The following KPNA7 variants were observed in gnomAD, a reference collection of about 807,000 sequenced individuals.
KPNA7 encodes importin subunit alpha-8.
In KPNA7, 54 loss-of-function variants were observed where a neutral mutation model predicts 53.7. The ratio of observed to expected loss-of-function variants is 1.01; its 90% CI spans 0.81 to 1.26. The LOEUF is 1.26. KPNA7 is among the 50% of genes most tolerant of loss of function. The pLI, the probability that KPNA7 is intolerant of heterozygous loss-of-function variation, is 0.00. For missense variants in KPNA7, 640 were observed against 644.5 expected, an observed-to-expected ratio of 0.99 and a Z score of 0.07; for synonymous variants, 276 against 259.3, an observed-to-expected ratio of 1.06 and a Z score of -0.62.
At chr7:99,153,026 T>C in the KPNA7 span, among the ~76,000 whole-genome samples, 1 of 152,206 alleles carries the variant, frequency 6.6e-6, no homozygotes, top group African/African-American at 2.4e-5. Context: ...GAATGGAATA[T>C]TTTTATAATA....
At chr7:99,217,548 G>A (rs746119869) in intron 1 of KPNA7, among the ~76,000 whole-genome samples, 20 of 151,496 alleles carry the variant, frequency 1.3e-4, no homozygotes, top group Non-Finnish European at 2.6e-4. Context: ...GAGAGGGAAG[G>A]TAAAGTGTCC....
chr7:99,192,889 G>A lies in KPNA7; in HGVS notation c.636+130C>T. 1.4e-5 allele frequency: 8 copies of A among 584,240 alleles called. No individual in the cohort carries two copies. In the South Asian group the frequency reaches 1.9e-4, roughly 14 times the overall value. 36.2% of individuals were successfully genotyped at this position (584,240 alleles called of 1,614,324 possible). ...CACGTCCATAATCCCAGAACTTTGA[G>A]AGGTAGGAGGATTGCTTGAAGCCAG... On this transcript the variant is annotated intron_variant, in intron 6 of 10. Coordinates refer to ENST00000327442, the MANE Select transcript of KPNA7 (RefSeq NM_001145715.3).
At chr7:99,170,616 A>ATAGGCGTGAGCCACTG (rs1357516429), downstream of KPNA7, among the ~76,000 whole-genome samples, 1 of 152,204 alleles carries the variant, frequency 6.6e-6, no homozygotes, top group East Asian at 1.9e-4. Flanking sequence ...TGCTGGAATT[A>ATAGGCGTGAGCCACTG]TAGGCGTGAG....
upstream of KPNA7, among the ~76,000 whole-genome samples, chr7:99,210,835 C>G (rs553663936): frequency 3.6e-4 from 55 of 152,010 alleles, no homozygotes; most frequent in Non-Finnish European, 6.9e-4. Flanking sequence ...AATCCTCCCC[C>G]TCAGCCTCCC....
At chr7:99,161,520 G>C in the KPNA7 span, among the ~76,000 whole-genome samples, 3 of 152,086 alleles carry the variant, frequency 2.0e-5, no homozygotes, top group African/African-American at 7.2e-5. Flanking sequence ...CATCTAAATT[G>C]TCCCCCAGAT....
At position 99,178,581 on chromosome 7, in the gene KPNA7, T is replaced by G. The variant is rs531292767; in HGVS notation, c.1318-515A>C. Among the ~76,000 whole-genome samples, 3 of 151,554 alleles carry G rather than the reference T, an allele frequency of 2.0e-5. No homozygotes were observed. The South Asian group carries it at 6.3e-4, about 32-fold the overall frequency. ...AGACTCAGTCTCAAAAAAAAATTAA[T>G]AAAGAAGATACACAGGGAAGACTCA... On this transcript the variant is annotated intron_variant, in intron 9 of 10. Coordinates refer to ENST00000327442, the MANE Select transcript of KPNA7 (RefSeq NM_001145715.3).
At chr7:99,200,760 G>T (rs527805036) in intron 3 of KPNA7, among the ~76,000 whole-genome samples, 1 of 152,196 alleles carries the variant, frequency 6.6e-6, no homozygotes, top group East Asian at 1.9e-4. Flanking sequence ...CAAATTGCTT[G>T]AGGTCAGGAG....
chr7:99,192,146 ATT>A (rs1789990399), intron 6 of KPNA7, among the ~76,000 whole-genome samples: 1 of 152,118 alleles, frequency 6.6e-6, no homozygotes, highest in Non-Finnish European at 1.5e-5. Context: ...GAGGTTGCAA[ATT>A]TTTTTGTGTG....
At chr7:99,154,933 C>A in the KPNA7 span, among the ~76,000 whole-genome samples, 1 of 152,166 alleles carries the variant, frequency 6.6e-6, no homozygotes, top group African/African-American at 2.4e-5. Context: ...CCCCTCAATT[C>A]TATCTCCTAG....
At chr7:99,180,569 A>G (rs558587948) in intron 9 of KPNA7, among the ~76,000 whole-genome samples, 17 of 122,396 alleles carry the variant, frequency 1.4e-4, no homozygotes, top group South Asian at 8.0e-4. Flanking sequence ...GTCTCTGTCC[A>G]TCTGTCTCTG....
chr7:99,185,142 C>T lies in KPNA7; in HGVS notation c.921G>A (p.Val307=). The T allele has an allele frequency of 6.4e-7, 1 of 1,552,024 alleles. No homozygotes were observed. The highest frequency in any genetic ancestry group is 8.7e-7 in the Non-Finnish European group (1 of 1,147,014). The change falls in exon 8 of 11, where the codon GTG becomes GTA. Residue 307 remains valine, a synonymous_variant. Coordinates refer to ENST00000327442, the MANE Select transcript of KPNA7 (RefSeq NM_001145715.3). ...CATCTGTGCCCGTGACAATGTTCCC[C>T]ACGGTGCGGAGAGAAGGAGTCTGGA... ...LNVLTPSLRT[V]GNIVTGTDEQ...
intron 6 of KPNA7, among the ~76,000 whole-genome samples, chr7:99,192,051 A>G (rs778534845): frequency 1.3e-5 from 2 of 152,116 alleles, no homozygotes; most frequent in Non-Finnish European, 2.9e-5. Context: ...AATAACCACA[A>G]ATCAACCAAC....
At position 99,177,108 on chromosome 7, in the gene KPNA7, G is replaced by A. The variant is rs1222070159; in HGVS notation, c.1464+812C>T. Among the ~76,000 whole-genome samples, 3 of 152,152 alleles carry A rather than the reference G, an allele frequency of 2.0e-5. No homozygotes were observed. In the East Asian group the frequency reaches 5.8e-4, roughly 29 times the overall value. On this transcript the variant is annotated intron_variant, in intron 10 of 10. Transcript: ENST00000327442. ...AATCTTGAAGATGGTATGCCAAGAG[G>A]AAATATATCAGTCACAAAAGGACAA...
chr7:99,200,373 A>G (rs773090720), intron 3 of KPNA7, among the ~76,000 whole-genome samples: 1 of 152,170 alleles, frequency 6.6e-6, no homozygotes, highest in African/African-American at 2.4e-5. Context: ...TCTTATAAGA[A>G]TCATCGAATG....
At chr7:99,203,064 A>G in intron 3 of KPNA7, 42 bp downstream of exon 3, 1 of 1,540,590 alleles carries the variant, frequency 6.5e-7, no homozygotes, top group Non-Finnish European at 8.8e-7. Flanking sequence ...ACTTGCTAAG[A>G]ACATATTTTG....
the KPNA7 span, among the ~76,000 whole-genome samples, chr7:99,153,348 A>G: frequency 1.3e-5 from 2 of 152,218 alleles, no homozygotes; most frequent in East Asian, 1.9e-4. Context: ...ACCTGAGATC[A>G]GGAGTTCAAG....
intron 5 of KPNA7, among the ~76,000 whole-genome samples, chr7:99,194,654 A>G (rs1790134806): frequency 6.6e-6 from 1 of 152,084 alleles, no homozygotes; most frequent in Admixed American, 6.6e-5. Flanking sequence ...CCCACACTGG[A>G]GTACAGTGGC....
intron 4 of KPNA7, among the ~76,000 whole-genome samples, 157 bp downstream of exon 4, chr7:99,195,927 A>G (rs981856135): frequency 5.9e-5 from 9 of 152,218 alleles, no homozygotes; most frequent in Admixed American, 6.5e-5. Flanking sequence ...GACAGTGTAG[A>G]ATAGCAATTT....
At chr7:99,176,430 T>C (rs1798911085) in intron 10 of KPNA7, among the ~76,000 whole-genome samples, 1 of 151,978 alleles carries the variant, frequency 6.6e-6, no homozygotes, top group African/African-American at 2.4e-5. Context: ...AAATAACAAG[T>C]GTCGGCAAGG....
Sources: allele counts gnomAD v4.1 joint callset (sites outside exome capture counted in the v4.1 genomes callset), GRCh38; gene constraint gnomAD v4.1.1; transcripts MANE v1.5; gene names NCBI Gene and HGNC (gene_info 2026-07-23, HGNC 2026-07-21).